Variants in GNB4 observed in about 807,000 individuals in gnomAD.
GNB4 encodes guanine nucleotide-binding protein subunit beta-4.
In GNB4, 28 loss-of-function variants were observed where a neutral mutation model predicts 45.2. That is an observed-to-expected ratio of 0.62 (90% CI 0.46 to 0.85). The LOEUF is 0.85. GNB4 is among the 40% of genes least tolerant of loss of function. The pLI is 0.00. For synonymous variants in GNB4, 132 were observed against 143.7 expected, an observed-to-expected ratio of 0.92 and a Z score of 0.58; for missense variants, 321 against 425.4, an observed-to-expected ratio of 0.75 and a Z score of 2.16.
At chr3:179,464,183 G>C in the GNB4 span, among the ~76,000 whole-genome samples, 1 of 152,178 alleles carries the variant, frequency 6.6e-6, no homozygotes, top group South Asian at 2.1e-4. Context: ...CTGGGGCTGG[G>C]TGCAGTGGCT....
chr3:179,413,849 GCAATATATATTTTTAAAAA>G lies in GNB4; in HGVS notation c.431-87_431-69del. ...AATAACTCAGTTACCATGTGAAATAGCAATATATATTTTTAAAAATAGAATACTTGGGCAACAAGTGTTT... is the reference window on the plus strand; with the variant it reads ...AATAACTCAGTTACCATGTGAAATAGTAGAATACTTGGGCAACAAGTGTTT... On this transcript the variant is annotated intron_variant, in intron 6 of 9. Coordinates refer to ENST00000232564, the MANE Select transcript of GNB4 (RefSeq NM_021629.4). 4 of 1,109,446 alleles carry G rather than the reference GCAATATATATTTTTAAAAA, an allele frequency of 3.6e-6. No individual in the cohort carries two copies. The South Asian group carries it at 5.3e-5, about 15-fold the overall frequency. 68.7% of individuals were successfully genotyped at this position (1,109,446 alleles called of 1,614,324 possible). A position where few individuals can be genotyped will look rare whatever the true frequency, so the allele number is the denominator to read the frequency against.
chr3:179,515,184 C>G, the GNB4 span, among the ~76,000 whole-genome samples: 2 of 152,218 alleles, frequency 1.3e-5, no homozygotes, highest in African/African-American at 4.8e-5. Context: ...GCTACTAGCA[C>G]TGGGTGTTTA....
chr3:179,477,543 A>G, the GNB4 span, among the ~76,000 whole-genome samples: 3 of 152,150 alleles, frequency 2.0e-5, no homozygotes, highest in Non-Finnish European at 2.9e-5. Context: ...TGACCTTTCT[A>G]TCCATACTTC....
At chr3:179,503,396 A>T in the GNB4 span, among the ~76,000 whole-genome samples, 2 of 152,244 alleles carry the variant, frequency 1.3e-5, no homozygotes, top group Admixed American at 6.5e-5. Context: ...CGAATATATG[A>T]ATAGTCACTA....
chr3:179,524,237 G>A, the GNB4 span, among the ~76,000 whole-genome samples: 1 of 152,240 alleles, frequency 6.6e-6, no homozygotes, highest in Non-Finnish European at 1.5e-5. Context: ...CAGTCAGAGG[G>A]CCTTGGGCCA....
chr3:179,422,325 C>T (rs930512348), intron 2 of GNB4, among the ~76,000 whole-genome samples: 3 of 151,832 alleles, frequency 2.0e-5, no homozygotes, highest in African/African-American at 7.3e-5. Flanking sequence ...CACTATTATC[C>T]ATTATAAAAC....
At chr3:179,436,053 T>G (rs761314745) in intron 1 of GNB4, among the ~76,000 whole-genome samples, 79 of 152,172 alleles carry the variant, frequency 5.2e-4, no homozygotes, top group Non-Finnish European at 9.8e-4. Flanking sequence ...ATACCAATCA[T>G]GAAAGCTCAT....
At chr3:179,438,824 C>G (rs1715525647) in intron 1 of GNB4, among the ~76,000 whole-genome samples, 1 of 152,118 alleles carries the variant, frequency 6.6e-6, no homozygotes, top group South Asian at 2.1e-4. Flanking sequence ...AAGAAAACAA[C>G]CAGTTATTTG....
the GNB4 span, among the ~76,000 whole-genome samples, chr3:179,464,121 C>T: frequency 6.6e-6 from 1 of 152,010 alleles, no homozygotes; most frequent in Non-Finnish European, 1.5e-5. Flanking sequence ...TCTAAGCCCC[C>T]CAACCAATGG....
the GNB4 span, among the ~76,000 whole-genome samples, chr3:179,514,517 A>G: frequency 6.6e-6 from 1 of 152,170 alleles, no homozygotes; most frequent in African/African-American, 2.4e-5. Context: ...TCCCCCAGCA[A>G]ATTCATATGT....
chr3:179,467,957 C>G, the GNB4 span, among the ~76,000 whole-genome samples: 1 of 148,578 alleles, frequency 6.7e-6, no homozygotes, highest in Non-Finnish European at 1.5e-5. Flanking sequence ...GCAGGAAGGA[C>G]CCACCCAAAT....
chr3:179,484,836 A>ATGTGTGTG, the GNB4 span, among the ~76,000 whole-genome samples: 14,360 of 146,960 alleles, frequency 0.098, 821 homozygotes, highest in Middle Eastern at 0.18. Context: ...AGCTATATAT[A>ATGTGTGTG]TGTGTGTGTG....
intron 8 of GNB4, chr3:179,405,963 T>G (rs1221678297): frequency 1.3e-5 from 2 of 152,226 alleles, no homozygotes; most frequent in African/African-American, 2.4e-5. Context: ...TTTCGTGCCT[T>G]CTTAAGATAT....
At chr3:179,464,407 G>A in the GNB4 span, 2 of 1,326,854 alleles carry the variant, frequency 1.5e-6, no homozygotes, top group South Asian at 1.2e-5. Context: ...GTGCACAGCT[G>A]CTCCCTCTGC....
the GNB4 span, among the ~76,000 whole-genome samples, chr3:179,493,085 C>T: frequency 6.6e-6 from 1 of 152,202 alleles, no homozygotes; most frequent in African/African-American, 2.4e-5. Flanking sequence ...ACTGTTTCCA[C>T]TGAAAACAGT....
chr3:179,519,779 G>A, the GNB4 span, among the ~76,000 whole-genome samples: 6 of 151,978 alleles, frequency 3.9e-5, no homozygotes, highest in South Asian at 2.1e-4. Flanking sequence ...CTCCCTCCTC[G>A]GCAACCGATC....
the GNB4 span, among the ~76,000 whole-genome samples, chr3:179,487,071 G>A: frequency 1.3e-5 from 2 of 152,092 alleles, no homozygotes; most frequent in Non-Finnish European, 2.9e-5. Flanking sequence ...CAAAGCATGG[G>A]ACATTTCATT....
chr3:179,418,406 G>T (rs966799184), intron 4 of GNB4, among the ~76,000 whole-genome samples: 2 of 145,840 alleles, frequency 1.4e-5, no homozygotes, highest in South Asian at 4.4e-4. Flanking sequence ...GGAGGCAGAG[G>T]TTGCAGTGAG....
intron 1 of GNB4, among the ~76,000 whole-genome samples, chr3:179,443,817 T>C (rs977092798): frequency 1.8e-4 from 28 of 152,242 alleles, no homozygotes; most frequent in African/African-American, 6.3e-4. Context: ...TAACTGAAGT[T>C]ATTTGGGATT....
Sources: gnomAD v4.1 joint callset for allele counts (sites outside exome capture counted in the v4.1 genomes callset) on GRCh38, gnomAD v4.1.1 for gene constraint, MANE v1.5 for transcripts, NCBI Gene and HGNC (gene_info 2026-07-23, HGNC 2026-07-21) for gene names.